LINGO2: variants seen among roughly 807,000 people sequenced by gnomAD.
LINGO2 encodes the protein leucine rich repeat and Ig domain containing 2, also known as leucine-rich repeat and immunoglobulin-like domain-containing nogo receptor-interacting protein 2.
A neutral mutation model predicts 30.6 loss-of-function variants in LINGO2; 14 were observed. The observed-to-expected ratio is 0.46, with a 90% confidence interval of 0.30 to 0.72. LINGO2 has a LOEUF of 0.72. LINGO2 is among the 30% of genes least tolerant of loss of function. The probability of loss-of-function intolerance (pLI) is 0.07; values close to 1 mark genes in which losing one functional copy is unlikely to be tolerated. For missense variants in LINGO2, 729 were observed against 751.7 expected (o/e 0.97, Z 0.35); for synonymous variants, 317 against 288.5 (o/e 1.10, Z -1.00).
chr9:28,878,250 A>C, the LINGO2 span, among the ~76,000 whole-genome samples: 11 of 152,258 alleles, frequency 7.2e-5, no homozygotes, highest in African/African-American at 2.4e-4. Context: ...GAAATGGATA[A>C]ATTCCTCGAC....
At chr9:28,859,020 C>T in the LINGO2 span, among the ~76,000 whole-genome samples, 1 of 151,904 alleles carries the variant, frequency 6.6e-6, no homozygotes, top group Non-Finnish European at 1.5e-5. Flanking sequence ...CACTTTCATT[C>T]CTTTATCTGT....
chr9:28,111,223 C>G (rs546115620), intron 4 of LINGO2, among the ~76,000 whole-genome samples: 1 of 152,066 alleles, frequency 6.6e-6, no homozygotes, highest in South Asian at 2.1e-4. Flanking sequence ...ACATCACACA[C>G]CCGGGCCTAT....
At chr9:28,672,478 G>T (rs111895938), upstream of LINGO2, among the ~76,000 whole-genome samples, 2 of 152,052 alleles carry the variant, frequency 1.3e-5, no homozygotes, top group East Asian at 1.9e-4. Context: ...TAATCAACAA[G>T]ATATGTACAC....
intron 1 of LINGO2, among the ~76,000 whole-genome samples, chr9:28,511,476 G>A (rs1038299193): frequency 2.6e-5 from 4 of 152,128 alleles, no homozygotes; most frequent in African/African-American, 9.7e-5. Flanking sequence ...TGCCACCATG[G>A]CCACTTTGTT....
chr9:28,293,244 C>G (rs1823801941), intron 4 of LINGO2, among the ~76,000 whole-genome samples: 1 of 151,956 alleles, frequency 6.6e-6, no homozygotes, highest in African/African-American at 2.4e-5. Flanking sequence ...ACTACAAGCA[C>G]ACACCACCAT....
the LINGO2 span, among the ~76,000 whole-genome samples, chr9:29,056,845 G>GT: frequency 1.3e-5 from 2 of 152,052 alleles, no homozygotes; most frequent in African/African-American, 4.8e-5. Context: ...TGAATAAGGT[G>GT]TTTTTTCCTC....
At chr9:28,902,696 A>C in the LINGO2 span, among the ~76,000 whole-genome samples, 1 of 152,142 alleles carries the variant, frequency 6.6e-6, no homozygotes, top group Non-Finnish European at 1.5e-5. Flanking sequence ...CCTTCTGACC[A>C]AAACAGTACA....
the LINGO2 span, among the ~76,000 whole-genome samples, chr9:28,858,174 C>A: frequency 6.6e-6 from 1 of 151,988 alleles, no homozygotes; most frequent in Non-Finnish European, 1.5e-5. Context: ...CTTTTAAAAT[C>A]TGAGTCCTAA....
chr9:28,860,181 A>G, the LINGO2 span, among the ~76,000 whole-genome samples: 9 of 152,122 alleles, frequency 5.9e-5, no homozygotes, highest in African/African-American at 2.2e-4. Flanking sequence ...TTCATTGGAA[A>G]AATACCATTT....
chr9:28,440,688 G>A (rs1179120924), intron 2 of LINGO2, among the ~76,000 whole-genome samples: 1 of 151,932 alleles, frequency 6.6e-6, no homozygotes, highest in African/African-American at 2.4e-5. Flanking sequence ...ATGCTTTTTT[G>A]TTTCAACTAT....
chr9:28,664,285 C>T (rs1410416030), intron 1 of LINGO2, among the ~76,000 whole-genome samples: 5 of 151,862 alleles, frequency 3.3e-5, no homozygotes, highest in Non-Finnish European at 7.4e-5. Context: ...TTTGTTACTT[C>T]TAGGGGAGCT....
intron 2 of LINGO2, among the ~76,000 whole-genome samples, chr9:28,440,370 C>T (rs532143543): frequency 1.4e-4 from 21 of 152,262 alleles, no homozygotes; most frequent in Non-Finnish European, 2.5e-4. Flanking sequence ...AGGGCAGACA[C>T]AAGACATTTA....
At chr9:28,111,283 A>C (rs898807396) in intron 4 of LINGO2, among the ~76,000 whole-genome samples, 1 of 149,178 alleles carries the variant, frequency 6.7e-6, no homozygotes, top group Non-Finnish European at 1.5e-5. Context: ...AATACCTAAC[A>C]CATGTGGGGC....
intron 4 of LINGO2, among the ~76,000 whole-genome samples, chr9:28,174,954 CAGAG>C (rs1169311028): frequency 1.4e-5 from 2 of 138,284 alleles, no homozygotes; most frequent in East Asian, 4.2e-4. Flanking sequence ...GAGAGACAGA[CAGAG>C]AGAAAGAGAC....
the LINGO2 span, among the ~76,000 whole-genome samples, chr9:29,124,482 A>C: frequency 6.6e-6 from 1 of 152,162 alleles, no homozygotes; most frequent in African/African-American, 2.4e-5. Flanking sequence ...GGCAACCTAC[A>C]GAATGGGAGA....
At chr9:28,334,554 G>C (rs1412867483) in intron 3 of LINGO2, among the ~76,000 whole-genome samples, 1 of 152,096 alleles carries the variant, frequency 6.6e-6, no homozygotes, top group Admixed American at 6.6e-5. Flanking sequence ...AAGGCACTCA[G>C]AACAATGCCT....
At chr9:28,104,116 A>C (rs7870355) in intron 4 of LINGO2, among the ~76,000 whole-genome samples, 13,190 of 152,034 alleles carry the variant, frequency 0.087, 625 homozygotes, top group Middle Eastern at 0.13. Context: ...ATGTACAGAA[A>C]AAGCAATGAC....
At chr9:28,765,729 T>TGAACTTCCCA in the LINGO2 span, among the ~76,000 whole-genome samples, 1 of 152,032 alleles carries the variant, frequency 6.6e-6, no homozygotes, top group Non-Finnish European at 1.5e-5. Flanking sequence ...TCATGCTTCT[T>TGAACTTCCCA]GAACTTCCCA....
chr9:29,159,232 T>G, the LINGO2 span, among the ~76,000 whole-genome samples: 1 of 152,176 alleles, frequency 6.6e-6, no homozygotes, highest in Non-Finnish European at 1.5e-5. Flanking sequence ...TTGGCACTAG[T>G]GTATTTCAGC....
Sources: gnomAD v4.1 joint callset for allele counts (sites outside exome capture counted in the v4.1 genomes callset) on GRCh38, gnomAD v4.1.1 for gene constraint, MANE v1.5 for transcripts, NCBI Gene and HGNC (gene_info 2026-07-23, HGNC 2026-07-21) for gene names.